RBFOX3: variants seen among roughly 807,000 people sequenced by gnomAD.
RBFOX3 encodes RNA binding protein fox-1 homolog 3.
A neutral mutation model predicts 48.7 loss-of-function variants in RBFOX3; 17 were observed. The ratio of observed to expected loss-of-function variants is 0.35; its 90% CI spans 0.24 to 0.52. The LOEUF is 0.52. Ranked by LOEUF, RBFOX3 falls within the 20% of genes least tolerant of loss-of-function variation. The pLI is 0.94. For missense variants in RBFOX3, 382 were observed against 497.5 expected, an observed-to-expected ratio of 0.77 and a Z score of 2.21; for synonymous variants, 212 against 209.5, an observed-to-expected ratio of 1.01 and a Z score of -0.10.
chr17:79,653,325 G>A, the RBFOX3 span, among the ~76,000 whole-genome samples: 1 of 152,164 alleles, frequency 6.6e-6, no homozygotes, highest in Admixed American at 6.5e-5. Flanking sequence ...ACTTCCCCAG[G>A]CAGAAAAGAG....
intron 1 of RBFOX3, among the ~76,000 whole-genome samples, chr17:79,541,004 C>T (rs964488844): frequency 8.5e-5 from 13 of 152,090 alleles, no homozygotes; most frequent in African/African-American, 2.7e-4. Context: ...CTGCTTAACC[C>T]GAGTGCTTGT....
chr17:79,291,592 C>T (rs564130519), intron 3 of RBFOX3, among the ~76,000 whole-genome samples: 1 of 152,316 alleles, frequency 6.6e-6, no homozygotes, highest in Admixed American at 6.5e-5. Flanking sequence ...GCCTCACAGT[C>T]CCTTATTGCA....
At chr17:79,197,855 C>T (rs1038165546) in intron 4 of RBFOX3, among the ~76,000 whole-genome samples, 2 of 152,066 alleles carry the variant, frequency 1.3e-5, no homozygotes, top group Non-Finnish European at 2.9e-5. Context: ...TCCCAAACCA[C>T]GGGCAAGCAG....
chr17:79,195,038 C>T lies in RBFOX3; in HGVS notation c.-34+40728G>A, dbSNP rs2055306082. ...GGGCAGATGTCTTTCCGCTCAGCCCCACCGACATCAGCTCACTATCATCCC... is the reference window on the plus strand; with the variant it reads ...GGGCAGATGTCTTTCCGCTCAGCCCTACCGACATCAGCTCACTATCATCCC... On this transcript the variant is annotated intron_variant, in intron 4 of 14. Transcript: ENST00000693108. This position sits in a 1 kb window ranked among gnomAD's most constrained non-coding sequence, Gnocchi z 5.3. 6.6e-6 allele frequency among the ~76,000 whole-genome samples: 1 copy of T among 152,068 alleles called. No homozygotes were observed. Among genetic ancestry groups the T allele is most frequent in the Non-Finnish European group, 1.5e-5 (1 of 68,032 alleles).
chr17:79,453,750 C>T (rs1416323720), intron 2 of RBFOX3, among the ~76,000 whole-genome samples: 2 of 152,090 alleles, frequency 1.3e-5, no homozygotes, highest in African/African-American at 4.8e-5. Flanking sequence ...GAGCCTCACC[C>T]CAGAGGACCC....
At chr17:79,465,398 C>T (rs1034132050) in intron 2 of RBFOX3, among the ~76,000 whole-genome samples, 4 of 152,222 alleles carry the variant, frequency 2.6e-5, no homozygotes, top group Admixed American at 6.5e-5. Context: ...GTACACACCA[C>T]GGAGGACTGG....
intron 2 of RBFOX3, among the ~76,000 whole-genome samples, chr17:79,425,528 C>A (rs1427431225): frequency 6.6e-6 from 1 of 152,250 alleles, no homozygotes; most frequent in Non-Finnish European, 1.5e-5. Context: ...TTCAGAGGGG[C>A]AAAGCCTGAG....
At chr17:79,501,120 A>C (rs1314864225) in intron 1 of RBFOX3, among the ~76,000 whole-genome samples, 1 of 152,198 alleles carries the variant, frequency 6.6e-6, no homozygotes, top group Non-Finnish European at 1.5e-5. Flanking sequence ...AGGGGCTCAA[A>C]GGTCGATTTT....
intron 3 of RBFOX3, among the ~76,000 whole-genome samples, chr17:79,259,788 A>G (rs2065452544): frequency 1.3e-5 from 2 of 152,124 alleles, no homozygotes; most frequent in African/African-American, 4.8e-5. Flanking sequence ...GGGTCACAGT[A>G]GCCGCAGGGG....
chr17:79,460,594 G>A (rs554505912), intron 2 of RBFOX3, among the ~76,000 whole-genome samples: 14 of 152,360 alleles, frequency 9.2e-5, no homozygotes, highest in Non-Finnish European at 1.9e-4. Flanking sequence ...AAGTTCACGT[G>A]TTGAAAACTT....
rs978728262 is a variant in RBFOX3, at chr17:79,516,907, A to G, written c.-319-34309T>C. ...AAAGGTCGGATGTCGTACAATCCACAGTCCACCCCTCGGGGAGTCATACTC... is the reference window on the plus strand; with the variant it reads ...AAAGGTCGGATGTCGTACAATCCACGGTCCACCCCTCGGGGAGTCATACTC... On this transcript the variant is annotated intron_variant, in intron 1 of 14. Transcript: ENST00000693108. 5.1e-3 allele frequency among the ~76,000 whole-genome samples: 782 copies of G among 152,192 alleles called. 7 individuals carry two copies. Among genetic ancestry groups the G allele is most frequent in the African/African-American group, 0.018 (738 of 41,514 alleles).
intron 1 of RBFOX3, among the ~76,000 whole-genome samples, chr17:79,574,698 C>T (rs1017696196): frequency 6.6e-6 from 1 of 152,168 alleles, no homozygotes; most frequent in Non-Finnish European, 1.5e-5. Flanking sequence ...AGTAGCCATT[C>T]TTTTATTCCT....
At chr17:79,122,189 C>T (rs934354300) in intron 4 of RBFOX3, among the ~76,000 whole-genome samples, 4 of 152,316 alleles carry the variant, frequency 2.6e-5, no homozygotes, top group Admixed American at 2.6e-4. Context: ...CGCCTCCAGC[C>T]GCCCTGAACC....
chr17:79,652,570 AGGAAAGGAGAGGAG>A, the RBFOX3 span, among the ~76,000 whole-genome samples: 2 of 122,950 alleles, frequency 1.6e-5, no homozygotes, highest in Non-Finnish European at 1.7e-5. Context: ...AGGAAAGGAA[AGGAAAGGAGAGGAG>A]AGGAGAGGAG....
chr17:79,361,426 G>C lies in RBFOX3; in HGVS notation c.-174-53602C>G, dbSNP rs1189400143. ...AGATTAAACATCTCTCAGATGCTGG[G>C]AGGACCCTCACGGTGGCCCTTGGTT... On this transcript the variant is annotated intron_variant, in intron 2 of 14. Transcript: ENST00000693108. The surrounding 1 kb of genome is among the most constrained non-coding windows in gnomAD (Gnocchi z 4.5). Among the ~76,000 whole-genome samples the C allele has an allele frequency of 6.6e-6, 1 of 152,162 alleles. No individual in the cohort carries two copies. The highest frequency in any genetic ancestry group is 1.5e-5 in the Non-Finnish European group (1 of 68,032).
intron 2 of RBFOX3, among the ~76,000 whole-genome samples, chr17:79,445,813 C>T (rs1445023065): frequency 6.6e-6 from 1 of 152,204 alleles, no homozygotes; most frequent in Non-Finnish European, 1.5e-5. Flanking sequence ...AGGACAGTCC[C>T]CAAATCACTT....
At chr17:79,133,608 C>A (rs1024453319) in intron 4 of RBFOX3, among the ~76,000 whole-genome samples, 2 of 152,204 alleles carry the variant, frequency 1.3e-5, no homozygotes, top group Non-Finnish European at 2.9e-5. Context: ...GTGATCTCCA[C>A]TGTACTCAGT....
At chr17:79,384,252 T>C (rs1269138201) in intron 2 of RBFOX3, among the ~76,000 whole-genome samples, 2 of 152,110 alleles carry the variant, frequency 1.3e-5, no homozygotes, top group South Asian at 2.1e-4. Context: ...AGGAAGGTAA[T>C]GAATCTCCCA....
At chr17:79,356,095 C>T (rs1354004639) in intron 2 of RBFOX3, among the ~76,000 whole-genome samples, 1 of 152,182 alleles carries the variant, frequency 6.6e-6, no homozygotes, top group African/African-American at 2.4e-5. Flanking sequence ...GGCGTTCACC[C>T]CAACTGAAGT....
Sources: gnomAD v4.1 joint callset for allele counts (sites outside exome capture counted in the v4.1 genomes callset) on GRCh38, gnomAD v4.1.1 for gene constraint, Gnocchi (gnomAD v3.1) non-coding constraint, MANE v1.5 for transcripts, NCBI Gene and HGNC (gene_info 2026-07-23, HGNC 2026-07-21) for gene names.